Variants in DNAI1 observed in about 807,000 individuals in gnomAD.
DNAI1 encodes dynein axonemal intermediate chain 1, also known as dynein, axonemal, intermediate polypeptide 1.
A neutral mutation model predicts 92.0 loss-of-function variants in DNAI1; 67 were observed. That is an observed-to-expected ratio of 0.73 (90% CI 0.60 to 0.89). The LOEUF (loss-of-function observed/expected upper bound fraction) is 0.89. Ranked by LOEUF, DNAI1 falls within the 40% of genes least tolerant of loss-of-function variation. The pLI is 0.00. For missense variants in DNAI1, 839 were observed against 866.6 expected, an observed-to-expected ratio of 0.97 and a Z score of 0.40; for synonymous variants, 323 against 319.6, an observed-to-expected ratio of 1.01 and a Z score of -0.11.
At chr9:34,468,693 G>C (rs2132042729) in intron 1 of DNAI1, among the ~76,000 whole-genome samples, 1 of 152,020 alleles carries the variant, frequency 6.6e-6, no homozygotes, top group African/African-American at 2.4e-5. Context: ...CAGGCGTGGT[G>C]GTATGCCCCT....
At chr9:34,466,653 C>G (rs1476090396) in intron 1 of DNAI1, among the ~76,000 whole-genome samples, 2 of 152,322 alleles carry the variant, frequency 1.3e-5, no homozygotes, top group East Asian at 3.9e-4. Flanking sequence ...TGGGGAGTTA[C>G]AGATGGTTAT....
rs142404489 is a variant in DNAI1, at chr9:34,517,337, C to T, written c.1871C>T (p.Pro624Leu). Reference sequence around the variant, plus strand: ...AAGTATGAGGCCATCTGCAACCAGCCTGTGGCGGCCAAAAAGAACAGGCTC... The same window carrying T: ...AAGTATGAGGCCATCTGCAACCAGCTTGTGGCGGCCAAAAAGAACAGGCTC... ...INKYEAICNQPVAAKKNRLTH... is the reference protein window; with the variant it reads ...INKYEAICNQLVAAKKNRLTH... Residue 624 changes from proline to leucine, a missense_variant, in exon 19 of 20, where the codon CCT (proline) becomes CTT (leucine). Transcript: ENST00000242317. 1 of 1,614,022 alleles carries T rather than the reference C, an allele frequency of 6.2e-7. No individual in the cohort carries two copies. The highest frequency in any genetic ancestry group is 8.5e-7 in the Non-Finnish European group (1 of 1,180,030).
intron 13 of DNAI1, among the ~76,000 whole-genome samples, chr9:34,510,411 A>G (rs548886326): frequency 2.0e-5 from 3 of 152,150 alleles, no homozygotes; most frequent in Non-Finnish European, 4.4e-5. Flanking sequence ...TGTACGAGCA[A>G]GAGACTAGGG....
chr9:34,468,627 A>G (rs1242623581), intron 1 of DNAI1, among the ~76,000 whole-genome samples: 2 of 151,968 alleles, frequency 1.3e-5, no homozygotes, highest in South Asian at 2.1e-4. Context: ...GAAGTTTGAG[A>G]CCAACCTGGG....
At chr9:34,489,979 A>C in intron 5 of DNAI1, 33 bp from the exon 6 acceptor site, 6 of 1,612,186 alleles carry the variant, frequency 3.7e-6, no homozygotes, top group Non-Finnish European at 5.1e-6. Context: ...GAGCAGGCTT[A>C]GACTTTGAAC....
intron 4 of DNAI1, among the ~76,000 whole-genome samples, chr9:34,488,725 A>G (rs983985955): frequency 6.6e-6 from 1 of 152,240 alleles, no homozygotes; most frequent in South Asian, 2.1e-4. Flanking sequence ...TACTTGGCAC[A>G]TTGAGGCTGT....
intron 1 of DNAI1, among the ~76,000 whole-genome samples, chr9:34,475,614 G>A (rs907786105): frequency 2.0e-5 from 3 of 152,156 alleles, no homozygotes; most frequent in African/African-American, 7.2e-5. Context: ...GTGTGTTGTT[G>A]ACTCATTTAA....
At position 34,501,137 on chromosome 9, in the gene DNAI1, G is replaced by A. The variant is rs866139318; in HGVS notation, c.1020-1G>A. ...CAATGGATTCATATTTTTTTTTGCA[G>A]GAATCCAAAGTACAGGGATCTGTTT... On this transcript the variant is annotated splice_acceptor_variant, in intron 11 of 19. Coordinates refer to ENST00000242317, the MANE Select transcript of DNAI1 (RefSeq NM_012144.4). LOFTEE classifies it high-confidence loss of function. The A allele has an allele frequency of 6.2e-7, 1 of 1,612,942 alleles. No individual in the cohort carries two copies. Among genetic ancestry groups the A allele is most frequent in the Non-Finnish European group, 8.5e-7 (1 of 1,178,966 alleles).
In DNAI1 at chr9:34,493,267, C is replaced by T; in HGVS notation, c.755C>T (p.Thr252Ile). ...ACCAAAGAGAAGGAGAAGGCAAAGA[C>T]CCCAGTGGCTAAAAAATCAGGGAAG... ...EKTKEKEKAK[T>I]PVAKKSGKMA... Residue 252 changes from threonine to isoleucine, a missense_variant, in exon 9 of 20, where the codon ACC (threonine) becomes ATC (isoleucine). By Grantham distance (89) the Thr-to-Ile change is moderately conservative. Transcript: ENST00000242317. 3 of 1,614,164 alleles carry T rather than the reference C, an allele frequency of 1.9e-6. No individual in the cohort carries two copies. The highest frequency in any genetic ancestry group is 1.1e-5 in the South Asian group (1 of 91,080).
chr9:34,488,004 G>C (rs1824506506), intron 4 of DNAI1: 1 of 343,200 alleles, frequency 2.9e-6, no homozygotes, highest in Admixed American at 3.7e-5. Context: ...GTCAACTACT[G>C]GGGACAAGAT....
At chr9:34,470,809 A>G (rs893028848) in intron 1 of DNAI1, among the ~76,000 whole-genome samples, 3 of 152,254 alleles carry the variant, frequency 2.0e-5, no homozygotes, top group Admixed American at 6.5e-5. Context: ...CACAAGGATG[A>G]GCCATATACT....
intron 19 of DNAI1, among the ~76,000 whole-genome samples, chr9:34,519,660 CA>C (rs1825230381): frequency 2.0e-5 from 3 of 152,070 alleles, no homozygotes; most frequent in African/African-American, 7.2e-5. Context: ...TGACAGCAGC[CA>C]AAAAGGAGCC....
chr9:34,506,559 G>A (rs1397470169), intron 12 of DNAI1, 68 bp from the exon 13 acceptor site: 2 of 1,608,990 alleles, frequency 1.2e-6, no homozygotes, highest in Non-Finnish European at 1.7e-6. Flanking sequence ...GTGGGGTAGG[G>A]GTGAGGGGGC....
Position 34,500,886 on chromosome 9 carries a change from A to G in DNAI1, c.1019+47A>G, listed in dbSNP as rs570977988. On this transcript the variant is annotated intron_variant, in intron 11 of 19. Coordinates refer to ENST00000242317, the MANE Select transcript of DNAI1 (RefSeq NM_012144.4). ...AATGCAGAGCCCCTGAGTGCCCTCTACATCCCAAACCCCCAGTACCCCCTT... is the reference window on the plus strand; with the variant it reads ...AATGCAGAGCCCCTGAGTGCCCTCTGCATCCCAAACCCCCAGTACCCCCTT... 36 of 1,450,020 alleles carry G rather than the reference A, an allele frequency of 2.5e-5. No individual in the cohort carries two copies. The East Asian group carries it at 5.9e-4, about 24-fold the overall frequency. The allele number at this position is 1,450,020 out of a possible 1,614,324, so 89.8% of individuals were successfully genotyped here. A position where few individuals can be genotyped will look rare whatever the true frequency, so the allele number is the denominator to read the frequency against.
chr9:34,483,467 G>A lies in DNAI1; in HGVS notation c.68G>A (p.Gly23Glu). 6.2e-7 allele frequency: 1 copy of A among 1,612,362 alleles called. No individual in the cohort carries two copies. Among genetic ancestry groups the A allele is most frequent in the Non-Finnish European group, 8.5e-7 (1 of 1,179,778 alleles). The change falls in exon 2 of 20, where the codon GGA (glycine) becomes GAA (glutamate). Residue 23 changes from glycine (G) to glutamate (E), a missense_variant. By Grantham distance (98) the Gly-to-Glu change is moderately conservative. Transcript: ENST00000242317. ...PHKQSISIGR[G>E]TRKRDEDSGT... is the part of the protein sequence containing the mutation. ...ATTTAGAGCATCAGCATAGGCAGAG[G>A]AACCAGGAAGAGAGTAAGTGCTGAG...
At chr9:34,512,085 A>G (rs1302436682) in intron 13 of DNAI1, 24 bp from the exon 14 acceptor site, 2 of 1,611,412 alleles carry the variant, frequency 1.2e-6, no homozygotes, top group Non-Finnish European at 8.5e-7. Context: ...AGGGTCCCAG[A>G]GCTCACATTT....
chr9:34,498,286 A>G (rs1374042838), intron 10 of DNAI1, among the ~76,000 whole-genome samples: 1 of 152,232 alleles, frequency 6.6e-6, no homozygotes, highest in Non-Finnish European at 1.5e-5. Context: ...CCTGACAGCC[A>G]CACTGTGAGG....
intron 13 of DNAI1, among the ~76,000 whole-genome samples, chr9:34,510,653 C>T (rs993740641): frequency 6.6e-6 from 1 of 152,130 alleles, no homozygotes; most frequent in Non-Finnish European, 1.5e-5. Flanking sequence ...ACACCACCCC[C>T]CACTGGGCAT....
At chr9:34,461,526 C>T (rs1823951417) in intron 1 of DNAI1, among the ~76,000 whole-genome samples, 1 of 152,166 alleles carries the variant, frequency 6.6e-6, no homozygotes, top group African/African-American at 2.4e-5. Flanking sequence ...TTTGTCTTTT[C>T]TAGCAACTTG....
Sources: allele counts gnomAD v4.1 joint callset (sites outside exome capture counted in the v4.1 genomes callset), GRCh38; gene constraint gnomAD v4.1.1; transcripts MANE v1.5; gene names NCBI Gene and HGNC (gene_info 2026-07-23, HGNC 2026-07-21).